GRM7: variants seen among roughly 807,000 people sequenced by gnomAD.
GRM7 encodes the protein glutamate metabotropic receptor 7.
A neutral mutation model predicts 84.5 loss-of-function variants in GRM7; 35 were observed. The observed-to-expected ratio is 0.41, with a 90% CI of 0.32 to 0.55. The LOEUF is 0.55. Among genes scored for constraint, GRM7 ranks in the 20% least tolerant of loss-of-function variants. The pLI is 0.19. For missense variants in GRM7, 1,003 were observed against 1,194.6 expected (o/e 0.84, Z 2.36); for synonymous variants, 487 against 455.1 (o/e 1.07, Z -0.89).
rs756929548 is a variant in GRM7, at chr3:6,927,475, A to G, written c.519+65568A>G. 4.4e-3 allele frequency among the ~76,000 whole-genome samples: 271 copies of G among 61,152 alleles called. 2 individuals carry two copies. Among genetic ancestry groups the G allele is most frequent in the African/African-American group, 0.013 (255 of 19,012 alleles). The allele number at this position is 61,152 out of a possible 152,430, so 40.1% of individuals were successfully genotyped here. On this transcript the variant is annotated intron_variant, in intron 1 of 9. Transcript: ENST00000357716. ...AAAGAAAGAGAGAGAGAAAGAAAGA[A>G]AGAAAGAAAGAAAGAAAGAAAGAAA...
At chr3:7,628,969 T>A (rs1477578726) in intron 8 of GRM7, among the ~76,000 whole-genome samples, 1 of 152,172 alleles carries the variant, frequency 6.6e-6, no homozygotes, top group Non-Finnish European at 1.5e-5. Flanking sequence ...AGAGTAGGCA[T>A]GAGGATACAT....
chr3:6,980,025 TTTTG>T (rs1694137910), intron 1 of GRM7, among the ~76,000 whole-genome samples: 1 of 152,164 alleles, frequency 6.6e-6, no homozygotes, highest in African/African-American at 2.4e-5. Flanking sequence ...CTGGAATTTT[TTTTG>T]TTTACCATCT....
At chr3:7,677,576 G>A (rs947354779) in intron 8 of GRM7, among the ~76,000 whole-genome samples, 5 of 152,120 alleles carry the variant, frequency 3.3e-5, no homozygotes, top group Non-Finnish European at 5.9e-5. Context: ...GATTAGTGAA[G>A]TTTATTTCAG....
chr3:7,233,377 C>T (rs1223446620), intron 2 of GRM7, among the ~76,000 whole-genome samples: 1 of 151,980 alleles, frequency 6.6e-6, no homozygotes, highest in Non-Finnish European at 1.5e-5. Context: ...AGTGACTAAT[C>T]CTCTAATAGA....
At chr3:7,690,960 T>C in intron 9 of GRM7, 1 of 317,470 alleles carries the variant, frequency 3.1e-6, no homozygotes, top group South Asian at 2.6e-5. Context: ...TCATTGTGAA[T>C]GAGCATCTTC....
intron 1 of GRM7, among the ~76,000 whole-genome samples, chr3:6,998,479 G>C (rs987781515): frequency 2.6e-5 from 4 of 152,146 alleles, no homozygotes. Flanking sequence ...CTGAGGTCTG[G>C]AAAATGGTGA....
chr3:7,073,536 A>T (rs1697956755), intron 1 of GRM7, among the ~76,000 whole-genome samples: 1 of 152,292 alleles, frequency 6.6e-6, no homozygotes, highest in East Asian at 1.9e-4. Flanking sequence ...GTTGATTTTC[A>T]GATCAGATTT....
At chr3:7,411,591 T>G (rs1184266491) in intron 4 of GRM7, among the ~76,000 whole-genome samples, 4 of 152,226 alleles carry the variant, frequency 2.6e-5, no homozygotes, top group African/African-American at 9.6e-5. Context: ...CTGCCCAATT[T>G]TGAACTTTAT....
chr3:6,865,017 A>G (rs1158863986), intron 1 of GRM7, among the ~76,000 whole-genome samples: 1 of 152,216 alleles, frequency 6.6e-6, no homozygotes, highest in Non-Finnish European at 1.5e-5. Flanking sequence ...GACAGGAATC[A>G]TATTCAGTGG....
intron 2 of GRM7, among the ~76,000 whole-genome samples, chr3:7,252,848 C>A (rs1698050491): frequency 6.6e-6 from 1 of 150,970 alleles, no homozygotes; most frequent in Non-Finnish European, 1.5e-5. Context: ...GCCACCACAC[C>A]CAGCTAATTT....
chr3:7,128,003 C>T lies in GRM7; in HGVS notation c.520-18449C>T, dbSNP rs141311287. On this transcript the variant is annotated intron_variant, in intron 1 of 9. Transcript: ENST00000357716. ...AATTATTTCGAGTAGGAAACACACA[C>T]TATAATTTTAGAGAGATAAAGGTAA... Among the ~76,000 whole-genome samples, 25 of 151,858 alleles carry T rather than the reference C, an allele frequency of 1.6e-4. No individual in the cohort carries two copies. In the East Asian group the frequency reaches 4.4e-3, roughly 27 times the overall value.
At chr3:6,901,378 T>A (rs1277100089) in intron 1 of GRM7, among the ~76,000 whole-genome samples, 2 of 150,978 alleles carry the variant, frequency 1.3e-5, no homozygotes, top group East Asian at 3.9e-4. Context: ...GGTGGGTGGA[T>A]CATGAGGTCA....
chr3:7,097,113 G>T (rs1236527883), intron 1 of GRM7, among the ~76,000 whole-genome samples: 1 of 152,130 alleles, frequency 6.6e-6, no homozygotes, highest in Non-Finnish European at 1.5e-5. Context: ...AGTCACCCAT[G>T]CATGCTGGTC....
intron 5 of GRM7, among the ~76,000 whole-genome samples, chr3:7,436,722 C>T (rs1697071422): frequency 6.6e-6 from 1 of 152,206 alleles, no homozygotes; most frequent in Non-Finnish European, 1.5e-5. Flanking sequence ...ATCTCTCCAA[C>T]TCTTGCCATT....
intron 1 of GRM7, among the ~76,000 whole-genome samples, chr3:6,967,620 A>C (rs1409816665): frequency 1.3e-5 from 2 of 152,242 alleles, no homozygotes; most frequent in African/African-American, 4.8e-5. Flanking sequence ...AGTCTTTATG[A>C]AGAAGAATAC....
At chr3:7,255,420 G>A (rs546315501) in intron 2 of GRM7, among the ~76,000 whole-genome samples, 2 of 152,252 alleles carry the variant, frequency 1.3e-5, no homozygotes, top group East Asian at 3.9e-4. Context: ...TCAGTTTTTG[G>A]ATCCTTCATG....
rs796449800 is a variant in GRM7 at position 7,535,969 on chromosome 3, GT to G, written c.1516-42450del. On this transcript the variant is annotated intron_variant, in intron 7 of 9. Transcript: ENST00000357716. The stretch of plus-strand genomic sequence containing the variant: ...AGTAACTTCAAAACACCTACATGTG[GT>G]TTCATAGGAGCCCTGCTCCTCAAGA... Among the ~76,000 whole-genome samples, 56 of 152,256 alleles carry G rather than the reference GT, an allele frequency of 3.7e-4. No individual in the cohort carries two copies. The East Asian group carries it at 8.9e-3, about 24-fold the overall frequency.
chr3:7,159,159 A>C (rs530176221), intron 2 of GRM7, among the ~76,000 whole-genome samples: 4 of 152,330 alleles, frequency 2.6e-5, no homozygotes, highest in Non-Finnish European at 4.4e-5. Context: ...TAGAGAGATG[A>C]GACATAATTT....
At chr3:7,402,601 G>A (rs555980126) in intron 4 of GRM7, among the ~76,000 whole-genome samples, 7 of 152,186 alleles carry the variant, frequency 4.6e-5, no homozygotes, top group Middle Eastern at 3.4e-3. Flanking sequence ...GTTTTAGAAC[G>A]TTGGACAGTT....
Sources: gnomAD v4.1 joint callset for allele counts (sites outside exome capture counted in the v4.1 genomes callset) on GRCh38, gnomAD v4.1.1 for gene constraint, MANE v1.5 for transcripts, NCBI Gene and HGNC (gene_info 2026-07-23, HGNC 2026-07-21) for gene names.